TMEM117: variants seen among roughly 807,000 people sequenced by gnomAD.
TMEM117 encodes the protein transmembrane protein 117.
In TMEM117, 27 loss-of-function variants were observed where a neutral mutation model predicts 52.4. The ratio of observed to expected loss-of-function variants is 0.51; its 90% CI spans 0.38 to 0.71. The LOEUF is 0.71. Ranked by LOEUF, TMEM117 falls within the 30% of genes least tolerant of loss-of-function variation. The pLI, the probability that TMEM117 is intolerant of heterozygous loss-of-function variation, is 0.00. For synonymous variants in TMEM117, 215 were observed against 206.3 expected, an observed-to-expected ratio of 1.04 and a Z score of -0.36; for missense variants, 556 against 630.5, an observed-to-expected ratio of 0.88 and a Z score of 1.26.
At position 43,929,242 on chromosome 12, in the gene TMEM117, C is replaced by CTTCT. The variant is rs535619521; in HGVS notation, c.278-14967_278-14964dup. Among the ~76,000 whole-genome samples, 283 of 152,138 alleles carry CTTCT rather than the reference C, an allele frequency of 1.9e-3. 2 individuals carry two copies. The highest frequency in any genetic ancestry group is 6.5e-3 in the African/African-American group (268 of 41,512). On this transcript the variant is annotated intron_variant, in intron 2 of 7. Transcript: ENST00000266534. Reference sequence around the variant, plus strand: ...TAAACCATGCTAGTTTTTTATTTACCTTCTGTCTTTAGTTCTTTACTCCTT... The same window carrying CTTCT: ...TAAACCATGCTAGTTTTTTATTTACCTTCTTTCTGTCTTTAGTTCTTTACTCCTT...
intron 7 of TMEM117, 31 bp downstream of exon 7, chr12:44,376,755 A>G: frequency 1.3e-6 from 2 of 1,568,582 alleles, no homozygotes. Context: ...CAATTTGATT[A>G]TCTTCGTACA....
chr12:43,806,206 G>A, the TMEM117 span: 4 of 1,539,720 alleles, frequency 2.6e-6, no homozygotes, highest in Middle Eastern at 1.9e-4. Context: ...TGCGAGTCGC[G>A]CCGGGCGCTG....
chr12:43,968,351 C>T (rs1438635302), intron 3 of TMEM117, among the ~76,000 whole-genome samples: 2 of 152,198 alleles, frequency 1.3e-5, no homozygotes, highest in African/African-American at 4.8e-5. Context: ...AATTGTAGCA[C>T]ATGGCACCCA....
Position 44,203,834 on chromosome 12 carries a change from T to G in TMEM117, c.511-7456T>G, listed in dbSNP as rs566346183. Among the ~76,000 whole-genome samples the G allele has an allele frequency of 2.0e-5, 3 of 152,326 alleles. No homozygotes were observed. The East Asian group carries it at 5.8e-4, about 29-fold the overall frequency. On this transcript the variant is annotated intron_variant, in intron 4 of 7. Coordinates refer to ENST00000266534, the MANE Select transcript of TMEM117 (RefSeq NM_032256.3). Reference sequence around the variant, plus strand: ...GAGTGTAGTTGGTATGATTTTTCTTTTTTTGAATTTGTTGAGAATAGCTTT... The same window carrying G: ...GAGTGTAGTTGGTATGATTTTTCTTGTTTTGAATTTGTTGAGAATAGCTTT...
intron 2 of TMEM117, among the ~76,000 whole-genome samples, chr12:43,906,488 G>A (rs1944390951): frequency 6.6e-6 from 1 of 151,938 alleles, no homozygotes; most frequent in South Asian, 2.1e-4. Flanking sequence ...AAGCGGGGGA[G>A]GAGCCAAGAT....
chr12:43,808,858 AT>A, the TMEM117 span, among the ~76,000 whole-genome samples: 5 of 150,874 alleles, frequency 3.3e-5, no homozygotes, highest in Non-Finnish European at 7.4e-5. Context: ...ACTCAATTCA[AT>A]TCTGACTGAC....
At chr12:43,883,334 A>G (rs1202261634) in intron 2 of TMEM117, among the ~76,000 whole-genome samples, 1 of 152,166 alleles carries the variant, frequency 6.6e-6, no homozygotes, top group Non-Finnish European at 1.5e-5. Context: ...TTCTTGATGT[A>G]TTATAGTACA....
intron 5 of TMEM117, among the ~76,000 whole-genome samples, chr12:44,220,105 A>G (rs923486250): frequency 1.3e-5 from 2 of 152,168 alleles, no homozygotes; most frequent in African/African-American, 4.8e-5. Context: ...AAAGATACTA[A>G]TGTAGGTATC....
At chr12:44,310,093 T>G (rs1407311857) in intron 6 of TMEM117, among the ~76,000 whole-genome samples, 1 of 152,218 alleles carries the variant, frequency 6.6e-6, no homozygotes, top group African/African-American at 2.4e-5. Context: ...TCAATTTTTT[T>G]TAAATGCTTG....
intron 3 of TMEM117, among the ~76,000 whole-genome samples, chr12:44,094,876 A>C (rs1947731626): frequency 6.6e-6 from 1 of 152,104 alleles, no homozygotes; most frequent in African/African-American, 2.4e-5. Flanking sequence ...ACTTTGTTAG[A>C]CACTTTTTCT....
In TMEM117 at chr12:44,291,510, C is replaced by G. The variant is rs575936310; in HGVS notation, c.609-8070C>G. 9.3e-5 allele frequency among the ~76,000 whole-genome samples: 14 copies of G among 150,656 alleles called. No homozygotes were observed. The East Asian group carries it at 2.8e-3, about 30-fold the overall frequency. The stretch of plus-strand genomic sequence containing the variant: ...TATTTCATTTTCTTGCCTAATTGCT[C>G]TGGCTAGACTTTCAGTACCATGTTA... On this transcript the variant is annotated intron_variant, in intron 5 of 7. Coordinates refer to ENST00000266534, the MANE Select transcript of TMEM117 (RefSeq NM_032256.3).
chr12:44,376,389 A>G (rs892075752), intron 6 of TMEM117: 2 of 650,968 alleles, frequency 3.1e-6, no homozygotes, highest in Non-Finnish European at 2.7e-6. Context: ...ATCTGAAGAT[A>G]TAAGTTATGA....
At chr12:44,200,530 A>G (rs1949481309) in intron 4 of TMEM117, among the ~76,000 whole-genome samples, 1 of 152,128 alleles carries the variant, frequency 6.6e-6, no homozygotes, top group African/African-American at 2.4e-5. Flanking sequence ...CAAATTTGCC[A>G]AAAATCTGTG....
intron 3 of TMEM117, among the ~76,000 whole-genome samples, chr12:44,065,070 GAT>G (rs1217625789): frequency 6.6e-6 from 1 of 152,094 alleles, no homozygotes; most frequent in Non-Finnish European, 1.5e-5. Context: ...ATAAAATAAA[GAT>G]AAAATTAATA....
rs1035572148 is a variant in TMEM117, at chr12:44,005,403, C to T, written c.410+61061C>T. On this transcript the variant is annotated intron_variant, in intron 3 of 7. Coordinates refer to ENST00000266534, the MANE Select transcript of TMEM117 (RefSeq NM_032256.3). ...ATCCATACCTTCCAACTTCCTTTGA[C>T]ATCACATTATCTTTTCATAACAGAT... 1.3e-5 allele frequency among the ~76,000 whole-genome samples: 2 copies of T among 152,208 alleles called. 1 individual carries two copies. Among genetic ancestry groups the T allele is most frequent in the South Asian group, 4.1e-4 (2 of 4,832 alleles).
chr12:44,394,560 A>G (rs904018915), downstream of TMEM117, among the ~76,000 whole-genome samples: 10 of 152,340 alleles, frequency 6.6e-5, no homozygotes, highest in East Asian at 1.9e-4. Flanking sequence ...TGTGAAATCA[A>G]TGGTCATAAT....
At chr12:44,218,033 G>A (rs1382860633) in intron 5 of TMEM117, among the ~76,000 whole-genome samples, 1 of 152,108 alleles carries the variant, frequency 6.6e-6, no homozygotes, top group Non-Finnish European at 1.5e-5. Flanking sequence ...AGACTAGACT[G>A]ACCAACATGG....
intron 2 of TMEM117, among the ~76,000 whole-genome samples, chr12:43,886,838 T>C (rs1191780978): frequency 6.6e-6 from 1 of 152,098 alleles, no homozygotes; most frequent in African/African-American, 2.4e-5. Context: ...TATGTGTCCG[T>C]GGGCCTCACC....
At chr12:43,912,960 G>C (rs1418345969) in intron 2 of TMEM117, among the ~76,000 whole-genome samples, 1 of 152,138 alleles carries the variant, frequency 6.6e-6, no homozygotes, top group Non-Finnish European at 1.5e-5. Flanking sequence ...CCTAGGCTTT[G>C]AAACATTCCA....
Sources: allele counts gnomAD v4.1 joint callset (sites outside exome capture counted in the v4.1 genomes callset), GRCh38; gene constraint gnomAD v4.1.1; transcripts MANE v1.5; gene names NCBI Gene and HGNC (gene_info 2026-07-23, HGNC 2026-07-21).